The following HERC5 variants were observed in gnomAD, a reference collection of about 807,000 sequenced individuals.
HERC5 encodes E3 ISG15--protein ligase HERC5.
In HERC5, 99 loss-of-function variants were observed where a neutral mutation model predicts 119.6. That is an observed-to-expected ratio of 0.83 (90% CI 0.70 to 0.98). The LOEUF is 0.98. Ranked by LOEUF, HERC5 falls within the 50% of genes least tolerant of loss-of-function variation. The pLI, the probability that HERC5 is intolerant of heterozygous loss-of-function variation, is 0.00. For missense variants in HERC5, 1,267 were observed against 1,241.3 expected, an observed-to-expected ratio of 1.02 and a Z score of -0.31; for synonymous variants, 478 against 445.9, an observed-to-expected ratio of 1.07 and a Z score of -0.91.
chr4:88,487,690 G>A (rs1253323821), intron 15 of HERC5, among the ~76,000 whole-genome samples: 6 of 152,158 alleles, frequency 3.9e-5, no homozygotes, highest in Non-Finnish European at 5.9e-5. Flanking sequence ...GTACGGTACT[G>A]TTACTAGCTG....
At chr4:88,503,824 T>C (rs1422696932) in intron 20 of HERC5, among the ~76,000 whole-genome samples, 2 of 152,196 alleles carry the variant, frequency 1.3e-5, no homozygotes, top group African/African-American at 4.8e-5. Context: ...CCCAGCACTT[T>C]GGGAGGCCGA....
intron 6 of HERC5, 22 bp from the exon 7 acceptor site, chr4:88,467,037 C>A: frequency 1.2e-6 from 2 of 1,612,086 alleles, no homozygotes; most frequent in South Asian, 2.2e-5. Context: ...AAGAATTGAC[C>A]ATATGTGCTT....
rs759874836 is a variant in HERC5 at position 88,501,011 on chromosome 4, GT to G, written c.2582+29del. The G allele has an allele frequency of 1.2e-4, 175 of 1,480,030 alleles. 4 individuals are homozygous for G. The East Asian group carries it at 2.1e-3, about 18-fold the overall frequency. 91.7% of individuals were successfully genotyped at this position (1,480,030 alleles called of 1,614,324 possible). A position where few individuals can be genotyped will look rare whatever the true frequency, so the allele number is the denominator to read the frequency against. ...GTAGGTACAAAAAATGAAATAGTTGGTTTGTATATGTACTATTTTTATTTTA... is the reference window on the plus strand; with the variant it reads ...GTAGGTACAAAAAATGAAATAGTTGGTTGTATATGTACTATTTTTATTTTA... On this transcript the variant is annotated intron_variant, in intron 20 of 22. Coordinates refer to ENST00000264350, the MANE Select transcript of HERC5 (RefSeq NM_016323.4).
At chr4:88,476,741 C>T in intron 12 of HERC5, among the ~76,000 whole-genome samples, 1 of 151,612 alleles carries the variant, frequency 6.6e-6, no homozygotes, top group Non-Finnish European at 1.5e-5. Flanking sequence ...GCCAACATGA[C>T]AAAACCCTGA....
At chr4:88,466,648 T>C (rs1016965419) in intron 6 of HERC5, among the ~76,000 whole-genome samples, 1 of 152,306 alleles carries the variant, frequency 6.6e-6, no homozygotes, top group East Asian at 1.9e-4. Context: ...TAGTGGAATA[T>C]ACAAACCAGC....
intron 9 of HERC5, among the ~76,000 whole-genome samples, chr4:88,469,675 CCTTT>C (rs1197570646): frequency 2.0e-5 from 3 of 152,268 alleles, no homozygotes; most frequent in Non-Finnish European, 4.4e-5. Flanking sequence ...TATGGAAGGT[CCTTT>C]CTTTTTATTC....
chr4:88,457,576 G>GGTGA (rs1740206029), intron 1 of HERC5, 42 bp downstream of exon 1: 11 of 1,242,092 alleles, frequency 8.9e-6, no homozygotes, highest in Non-Finnish European at 1.1e-5. Context: ...GGCTGTGAGG[G>GGTGA]GTGAGGGCTG....
At position 88,468,105 on chromosome 4, in the gene HERC5, G is replaced by A. The variant is rs866816702; in HGVS notation, c.1058-241G>A. On this transcript the variant is annotated intron_variant, in intron 7 of 22. Coordinates refer to ENST00000264350, the MANE Select transcript of HERC5 (RefSeq NM_016323.4). ...ATTTGCATTTTATATATAAATATTT[G>A]TATTATGTATATTAAACTGATGTCA... Among the ~76,000 whole-genome samples, 5 of 152,114 alleles carry A rather than the reference G, an allele frequency of 3.3e-5. No homozygotes were observed. In the South Asian group the frequency reaches 8.3e-4, roughly 25 times the overall value.
intron 8 of HERC5, 69 bp downstream of exon 8, chr4:88,468,491 G>A (rs918142407): frequency 1.9e-6 from 2 of 1,030,740 alleles, no homozygotes; most frequent in African/African-American, 3.3e-5. Flanking sequence ...TAGTATCCCA[G>A]TTTGGTGAAT....
At chr4:88,495,646 A>G (rs1053066336) in intron 18 of HERC5, among the ~76,000 whole-genome samples, 2 of 146,618 alleles carry the variant, frequency 1.4e-5, no homozygotes, top group Non-Finnish European at 3.1e-5. Flanking sequence ...AAACACAGAA[A>G]GATTAGGTAA....
chr4:88,457,526 G>T lies in HERC5; in HGVS notation c.257G>T (p.Arg86Leu). 7.9e-7 allele frequency: 1 copy of T among 1,269,228 alleles called. No homozygotes were observed. Among genetic ancestry groups the T allele is most frequent in the East Asian group, 3.0e-5 (1 of 33,310 alleles). The allele number at this position is 1,269,228 out of a possible 1,614,324, so 78.6% of individuals were successfully genotyped here. The stretch of plus-strand genomic sequence containing the variant: ...CTGCTCGCCGGGAGCGGCGGCGCCC[G>T]GACGCCGAGTGAGTGGGGCTGGTGT... ...HQLLAGSGGA[R>L]TPKCIKLGKN... is the part of the protein sequence containing the mutation. Residue 86 changes from arginine (R) to leucine (L), a missense_variant, in exon 1 of 23, where the codon CGG (arginine) becomes CTG (leucine). Arg to Leu is a moderately radical substitution (Grantham distance 102). Coordinates refer to ENST00000264350, the MANE Select transcript of HERC5 (RefSeq NM_016323.4).
chr4:88,459,716 A>G (rs1370865479), intron 2 of HERC5, among the ~76,000 whole-genome samples: 1 of 152,162 alleles, frequency 6.6e-6, no homozygotes, highest in Non-Finnish European at 1.5e-5. Flanking sequence ...TCATTAACTC[A>G]TTTGATCCTC....
chr4:88,459,360 A>G lies in HERC5; in HGVS notation c.279A>G (p.Leu93=). 1 of 1,585,396 alleles carries G rather than the reference A, an allele frequency of 6.3e-7. No homozygotes were observed. The change falls in exon 2 of 23, where the codon TTA becomes TTG. Residue 93 remains leucine, a synonymous_variant. Transcript: ENST00000264350. ...TTTGCTCTGTAGAATGCATTAAATT[A>G]GGAAAAAACATGAAGATACATTCCG... ...GGARTPKCIK[L]GKNMKIHSVD... is the part of the protein sequence containing the mutation.
In HERC5 at chr4:88,482,577, G is replaced by C. The variant is rs1409436830; in HGVS notation, c.1737+3070G>C. Among the ~76,000 whole-genome samples the C allele has an allele frequency of 3.9e-5, 6 of 152,256 alleles. 1 individual carries two copies. Among genetic ancestry groups the C allele is most frequent in the African/African-American group, 1.4e-4 (6 of 41,568 alleles). ...GGGGAGAGGCCTGTGCCAGAAGCAG[G>C]CTTGGAACCATTTGAACATGGAATC... On this transcript the variant is annotated intron_variant, in intron 13 of 22. Coordinates refer to ENST00000264350, the MANE Select transcript of HERC5 (RefSeq NM_016323.4).
Position 88,457,284 on chromosome 4 carries a change from G to C in HERC5, c.15G>C (p.Ser5=). 1 of 1,353,232 alleles carries C rather than the reference G, an allele frequency of 7.4e-7. No individual in the cohort carries two copies. The highest frequency in any genetic ancestry group is 9.4e-7 in the Non-Finnish European group (1 of 1,058,416). The allele number at this position is 1,353,232 out of a possible 1,614,324, so 83.8% of individuals were successfully genotyped here. ...GCAAAGCGGCGATGGAGCGGAGGTC[G>C]CGGAGGAAGTCGCGGCGCAACGGGC... MERR[S]RRKSRRNGRS... The change falls in exon 1 of 23, where the codon TCG becomes TCC. Residue 5 remains serine (S), a synonymous_variant. Transcript: ENST00000264350.
chr4:88,460,291 G>A (rs1222088415), intron 3 of HERC5, 120 bp downstream of exon 3: 6 of 492,502 alleles, frequency 1.2e-5, no homozygotes, highest in Non-Finnish European at 2.2e-5. Flanking sequence ...AATTTGATAT[G>A]GTTCCGAGTA....
At chr4:88,505,635 A>G (rs775774341) in intron 22 of HERC5, 38 bp from the exon 23 acceptor site, 2 of 1,241,248 alleles carry the variant, frequency 1.6e-6, no homozygotes, top group Non-Finnish European at 2.3e-6. Flanking sequence ...TTTGGTCTCC[A>G]TGTAAAACAG....
chr4:88,478,340 A>G (rs1191289334), intron 12 of HERC5, among the ~76,000 whole-genome samples: 1 of 152,174 alleles, frequency 6.6e-6, no homozygotes. Flanking sequence ...TTTTACCTTC[A>G]ACAATCTAAG....
Position 88,505,806 on chromosome 4 carries a change from T to A in HERC5, c.3003T>A (p.Pro1001=). ...CATGTTTCAGTGTCCTCTTCCTCCC[T>A]AAATATTCTACAATGGAAACAGTTG... is the stretch of plus-strand genomic sequence containing the variant. The part of the protein sequence containing the change: ...ALTCFSVLFL[P]KYSTMETVEE... Residue 1001 remains proline (P), a synonymous_variant, in exon 23 of 23, where the codon CCT becomes CCA. Transcript: ENST00000264350. 1.9e-6 allele frequency: 3 copies of A among 1,613,862 alleles called. No homozygotes were observed. Among genetic ancestry groups the A allele is most frequent in the Middle Eastern group, 1.7e-4 (1 of 6,046 alleles).
Sources: allele counts gnomAD v4.1 joint callset (sites outside exome capture counted in the v4.1 genomes callset), GRCh38; gene constraint gnomAD v4.1.1; transcripts MANE v1.5; gene names NCBI Gene and HGNC (gene_info 2026-07-23, HGNC 2026-07-21).